The following POC1B variants were observed in gnomAD, a reference collection of about 807,000 sequenced individuals.
POC1B encodes the protein POC1 centriolar protein B.
Under a neutral mutation model 60.6 loss-of-function variants are expected in POC1B, and 44 were observed. The ratio of observed to expected loss-of-function variants is 0.73; its 90% confidence interval spans 0.57 to 0.93. The LOEUF (loss-of-function observed/expected upper bound fraction) is 0.93, where lower values mean the gene tolerates loss of function less well. Ranked by LOEUF, POC1B falls within the 40% of genes least tolerant of loss-of-function variation. The pLI, the probability that POC1B is intolerant of heterozygous loss-of-function variation, is 0.00. For missense variants in POC1B, 555 were observed against 572.3 expected (o/e 0.97, Z 0.31); for synonymous variants, 180 against 198.9 (o/e 0.90, Z 0.80).
chr12:89,493,635 T>C (rs1305547407), intron 3 of POC1B, among the ~76,000 whole-genome samples: 1 of 152,188 alleles, frequency 6.6e-6, no homozygotes, highest in Non-Finnish European at 1.5e-5. Context: ...TGAATTCAAG[T>C]ACAATGCCTA....
chr12:89,439,682 G>A (rs1881427755), intron 10 of POC1B, among the ~76,000 whole-genome samples: 1 of 152,166 alleles, frequency 6.6e-6, no homozygotes, highest in Non-Finnish European at 1.5e-5. Flanking sequence ...TTGGCTCACT[G>A]CAACTCTGCC....
intron 2 of POC1B, among the ~76,000 whole-genome samples, chr12:89,514,026 C>T (rs1870315642): frequency 6.6e-6 from 1 of 152,154 alleles, no homozygotes; most frequent in Admixed American, 6.5e-5. Flanking sequence ...ACCTTTCCAC[C>T]CATCCTGTGA....
At chr12:89,442,265 A>G (rs868540213) in intron 10 of POC1B, among the ~76,000 whole-genome samples, 53 of 152,196 alleles carry the variant, frequency 3.5e-4, no homozygotes, top group Admixed American at 7.9e-4. Flanking sequence ...CGCCACAAAG[A>G]TACTCCTTAA....
chr12:89,405,155 C>G, the POC1B span, among the ~76,000 whole-genome samples: 1 of 152,106 alleles, frequency 6.6e-6, no homozygotes, highest in Non-Finnish European at 1.5e-5. Flanking sequence ...CAGAACCAAA[C>G]TTGTAAAAAA....
At chr12:89,413,978 G>A in the POC1B span, among the ~76,000 whole-genome samples, 13 of 152,078 alleles carry the variant, frequency 8.5e-5, no homozygotes, top group South Asian at 4.2e-4. Context: ...TGCAACCTCC[G>A]CCTCCCAGGC....
At chr12:89,491,550 G>A (rs1370762275) in intron 4 of POC1B, among the ~76,000 whole-genome samples, 1 of 150,454 alleles carries the variant, frequency 6.6e-6, no homozygotes, top group African/African-American at 2.5e-5. Flanking sequence ...CCTGAACCCA[G>A]GAAGTCAAGG....
intron 4 of POC1B, among the ~76,000 whole-genome samples, chr12:89,489,660 C>T (rs1014150819): frequency 3.3e-5 from 5 of 152,120 alleles, no homozygotes; most frequent in Non-Finnish European, 5.9e-5. Context: ...ACTCCCACTC[C>T]ACCAAATCCT....
At chr12:89,422,821 A>G (rs1258095093) in intron 11 of POC1B, among the ~76,000 whole-genome samples, 1 of 152,252 alleles carries the variant, frequency 6.6e-6, no homozygotes, top group Non-Finnish European at 1.5e-5. Context: ...TTAGTCAACC[A>G]GTTTTAAGAT....
intron 2 of POC1B, among the ~76,000 whole-genome samples, chr12:89,516,073 T>C (rs11105309): frequency 0.19 from 29,369 of 152,068 alleles, 3,251 homozygotes; most frequent in South Asian, 0.36. Flanking sequence ...ACATGGGTCT[T>C]ATATACTCCA....
chr12:89,516,690 A>T (rs1870456201), intron 2 of POC1B, among the ~76,000 whole-genome samples: 2 of 152,198 alleles, frequency 1.3e-5, no homozygotes, highest in South Asian at 4.1e-4. Flanking sequence ...ACAGAAATTT[A>T]TTATCTCACA....
chr12:89,496,941 A>T (rs1869279259), intron 3 of POC1B: 1 of 486,526 alleles, frequency 2.1e-6, no homozygotes, highest in African/African-American at 1.9e-5. Context: ...CCTCAAAAAA[A>T]CTTAGACATA....
chr12:89,503,580 G>A (rs1159782969), intron 2 of POC1B, among the ~76,000 whole-genome samples: 2 of 146,808 alleles, frequency 1.4e-5, no homozygotes, highest in African/African-American at 2.5e-5. Context: ...CCACCATCCC[G>A]TCTAGGAAGT....
At chr12:89,479,247 TA>T (rs1565742587) in intron 4 of POC1B, among the ~76,000 whole-genome samples, 1 of 152,212 alleles carries the variant, frequency 6.6e-6, no homozygotes, top group Admixed American at 6.5e-5. Context: ...AACTTGCATA[TA>T]GACTCCCTTT....
chr12:89,416,604 T>A (rs1218907704), downstream of POC1B, among the ~76,000 whole-genome samples: 2 of 152,192 alleles, frequency 1.3e-5, no homozygotes, highest in Non-Finnish European at 2.9e-5. Flanking sequence ...TGTTTAGCAG[T>A]GGAGGGGGAT....
At chr12:89,506,667 C>T (rs918730309) in intron 2 of POC1B, among the ~76,000 whole-genome samples, 1 of 152,100 alleles carries the variant, frequency 6.6e-6, no homozygotes, top group Non-Finnish European at 1.5e-5. Flanking sequence ...TAGTGCAAAA[C>T]GTAAATGTGA....
At chr12:89,519,190 G>T (rs1280112360) in intron 2 of POC1B, among the ~76,000 whole-genome samples, 1 of 152,164 alleles carries the variant, frequency 6.6e-6, no homozygotes, top group Non-Finnish European at 1.5e-5. Context: ...ATCATTTCTA[G>T]TTTGCTCATG....
chr12:89,435,855 T>A (rs1169835797), intron 10 of POC1B, among the ~76,000 whole-genome samples: 2 of 152,130 alleles, frequency 1.3e-5, no homozygotes, highest in Non-Finnish European at 2.9e-5. Flanking sequence ...TGATGAAGAA[T>A]TATGATAATA....
At chr12:89,414,456 T>G in the POC1B span, among the ~76,000 whole-genome samples, 6 of 152,196 alleles carry the variant, frequency 3.9e-5, no homozygotes, top group African/African-American at 1.4e-4. Flanking sequence ...CATTGACCTA[T>G]TTTCCTAGTA....
At chr12:89,500,722 A>C (rs1869516480) in intron 2 of POC1B, 1 of 1,286,232 alleles carries the variant, frequency 7.8e-7, no homozygotes, top group Non-Finnish European at 1.1e-6. Flanking sequence ...TAAACTTTGA[A>C]GATAAAGTTA....
Sources: gnomAD v4.1 joint callset for allele counts (sites outside exome capture counted in the v4.1 genomes callset) on GRCh38, gnomAD v4.1.1 for gene constraint, MANE v1.5 for transcripts, NCBI Gene and HGNC (gene_info 2026-07-23, HGNC 2026-07-21) for gene names.